NELL2: variants seen among roughly 807,000 people sequenced by gnomAD.
NELL2 encodes the protein neural EGFL like 2, also known as protein kinase C-binding protein NELL2.
In NELL2, 41 loss-of-function variants were observed where a neutral mutation model predicts 109.6. The observed-to-expected ratio is 0.37, with a 90% CI of 0.29 to 0.49. The LOEUF is 0.49. Ranked by LOEUF, NELL2 falls within the 20% of genes least tolerant of loss-of-function variation. The pLI, the probability that NELL2 is intolerant of heterozygous loss-of-function variation, is 0.98. For missense variants in NELL2, 900 were observed against 1,008.3 expected (o/e 0.89, Z 1.45); for synonymous variants, 355 against 344.7 (o/e 1.03, Z -0.33).
intron 1 of NELL2, among the ~76,000 whole-genome samples, chr12:44,898,508 G>A (rs1945621218): frequency 6.6e-6 from 1 of 152,188 alleles, no homozygotes; most frequent in South Asian, 2.1e-4. Context: ...ACCTGCAGAA[G>A]AGGGTCCTGA....
chr12:44,549,668 T>C (rs928798678), intron 15 of NELL2, among the ~76,000 whole-genome samples: 14 of 152,106 alleles, frequency 9.2e-5, no homozygotes, highest in African/African-American at 2.2e-4. Flanking sequence ...CCATTTACAA[T>C]AGCATCAAAA....
At chr12:44,793,622 C>G (rs932438278) in intron 3 of NELL2, among the ~76,000 whole-genome samples, 2 of 152,144 alleles carry the variant, frequency 1.3e-5, no homozygotes, top group African/African-American at 4.8e-5. Flanking sequence ...AGTTAAATTA[C>G]TTCAGCAAAA....
intron 1 of NELL2, among the ~76,000 whole-genome samples, chr12:44,892,638 A>G (rs1235649443): frequency 6.6e-6 from 1 of 151,830 alleles, no homozygotes; most frequent in African/African-American, 2.4e-5. Context: ...TCTACTAAAA[A>G]TACAAAAACA....
intron 2 of NELL2, among the ~76,000 whole-genome samples, chr12:44,827,412 T>TG (rs1491287540): frequency 1.6e-4 from 1 of 6,094 alleles, no homozygotes; most frequent in Admixed American, 0.011. Context: ...CTTCTAACTG[T>TG]TTTTTTTTTT....
intron 12 of NELL2, among the ~76,000 whole-genome samples, chr12:44,673,026 T>G (rs553323216): frequency 6.6e-6 from 1 of 152,282 alleles, no homozygotes; most frequent in East Asian, 1.9e-4. Context: ...GACCAAGAGA[T>G]CTAAAGTGTC....
intron 13 of NELL2, among the ~76,000 whole-genome samples, chr12:44,655,582 G>A (rs899478606): frequency 3.9e-5 from 6 of 152,184 alleles, no homozygotes; most frequent in African/African-American, 1.4e-4. Context: ...GTGGAGACAC[G>A]TCTCACTTCT....
chr12:44,895,589 C>T lies in NELL2; in HGVS notation c.38+18210G>A, dbSNP rs75256708. Reference sequence around the variant, plus strand: ...GTAGCTGAATTAGAAGCCCTGAAGTCATAGTTCTCAAAAGTTTCTAACCCA... The same window carrying T: ...GTAGCTGAATTAGAAGCCCTGAAGTTATAGTTCTCAAAAGTTTCTAACCCA... On this transcript the variant is annotated intron_variant, in intron 1 of 20. Coordinates refer to the NELL2 transcript ENST00000333837. Among the ~76,000 whole-genome samples the T allele has an allele frequency of 4.5e-4, 68 of 152,236 alleles. 1 individual carries two copies. The East Asian group carries it at 0.012, about 28-fold the overall frequency.
intron 12 of NELL2, among the ~76,000 whole-genome samples, chr12:44,692,441 A>G (rs894694377): frequency 6.6e-6 from 1 of 152,158 alleles, no homozygotes; most frequent in African/African-American, 2.4e-5. Context: ...TAATGTTTTC[A>G]TGGCTGCTAA....
intron 12 of NELL2, among the ~76,000 whole-genome samples, chr12:44,691,843 G>GATC (rs1948909424): frequency 6.6e-6 from 1 of 152,156 alleles, no homozygotes; most frequent in Non-Finnish European, 1.5e-5. Context: ...GGCTGAGAGA[G>GATC]GTGATGAAGC....
intron 15 of NELL2, among the ~76,000 whole-genome samples, chr12:44,544,204 A>C (rs1942698782): frequency 6.6e-6 from 1 of 152,158 alleles, no homozygotes; most frequent in South Asian, 2.1e-4. Flanking sequence ...TAGTGATATA[A>C]CTATATTAGA....
chr12:44,707,283 TG>T (rs1201467871), intron 11 of NELL2, among the ~76,000 whole-genome samples: 3 of 152,146 alleles, frequency 2.0e-5, no homozygotes, highest in African/African-American at 7.2e-5. Flanking sequence ...AACTCAATTC[TG>T]GGGGTTTTAT....
At chr12:44,598,161 C>T (rs1235191660) in intron 15 of NELL2, among the ~76,000 whole-genome samples, 2 of 77,322 alleles carry the variant, frequency 2.6e-5, no homozygotes, top group Non-Finnish European at 4.4e-5. Flanking sequence ...AATTTATTCT[C>T]TCAAAAAAAA....
At chr12:44,556,977 T>C (rs1943282714) in intron 15 of NELL2, among the ~76,000 whole-genome samples, 1 of 152,188 alleles carries the variant, frequency 6.6e-6, no homozygotes, top group Non-Finnish European at 1.5e-5. Flanking sequence ...TTGTTGGACC[T>C]GAAATTTTAG....
intron 13 of NELL2, among the ~76,000 whole-genome samples, chr12:44,646,719 T>G (rs1381979860): frequency 6.6e-6 from 1 of 152,178 alleles, no homozygotes; most frequent in Admixed American, 6.5e-5. Flanking sequence ...GAATGTGCAG[T>G]GAAAAGTTCA....
intron 12 of NELL2, among the ~76,000 whole-genome samples, chr12:44,687,931 C>T (rs532298441): frequency 6.6e-6 from 1 of 152,140 alleles, no homozygotes; most frequent in African/African-American, 2.4e-5. Context: ...TAATAAATGG[C>T]TGCATCACAT....
intron 2 of NELL2, among the ~76,000 whole-genome samples, chr12:44,861,371 G>A (rs573498066): frequency 6.6e-6 from 1 of 152,146 alleles, no homozygotes; most frequent in Non-Finnish European, 1.5e-5. Flanking sequence ...CCATTCTAGT[G>A]CCAAACCGGA....
chr12:44,541,452 T>C (rs1942567939), intron 15 of NELL2, among the ~76,000 whole-genome samples: 1 of 151,842 alleles, frequency 6.6e-6, no homozygotes, highest in Admixed American at 6.6e-5. Flanking sequence ...CTTTAAAAAA[T>C]GCAATGTTAA....
chr12:44,875,093 T>C (rs1232668418), intron 2 of NELL2, 132 bp downstream of exon 2: 4 of 1,202,562 alleles, frequency 3.3e-6, no homozygotes, highest in Non-Finnish European at 4.5e-6. Flanking sequence ...TGTCTCACAC[T>C]GGCCCTTCTA....
chr12:44,755,056 C>T (rs1320665647), intron 9 of NELL2, among the ~76,000 whole-genome samples: 2 of 152,148 alleles, frequency 1.3e-5, no homozygotes, highest in African/African-American at 4.8e-5. Context: ...CTACACACAT[C>T]CCACCAACCT....
Sources: allele counts gnomAD v4.1 joint callset (sites outside exome capture counted in the v4.1 genomes callset), GRCh38; gene constraint gnomAD v4.1.1; transcripts MANE v1.5; gene names NCBI Gene and HGNC (gene_info 2026-07-23, HGNC 2026-07-21).